SMAP1: variants seen among roughly 807,000 people sequenced by gnomAD.
SMAP1 encodes stromal membrane-associated protein 1.
In SMAP1, 24 loss-of-function variants were observed where a neutral mutation model predicts 58.5. The ratio of observed to expected loss-of-function variants is 0.41; its 90% CI spans 0.30 to 0.58. The LOEUF (loss-of-function observed/expected upper bound fraction) is 0.58. Among genes scored for constraint, SMAP1 ranks in the 20% least tolerant of loss-of-function variants. SMAP1 has a pLI of 0.29. For synonymous variants in SMAP1, 216 were observed against 196.6 expected, an observed-to-expected ratio of 1.10 and a Z score of -0.82; for missense variants, 563 against 566.3, an observed-to-expected ratio of 0.99 and a Z score of 0.06.
intron 1 of SMAP1, among the ~76,000 whole-genome samples, chr6:70,691,657 A>G (rs1442210105): frequency 6.6e-6 from 1 of 152,072 alleles, no homozygotes; most frequent in Non-Finnish European, 1.5e-5. Context: ...CTCTATCTCC[A>G]TGAGTTCAAT....
In SMAP1 at chr6:70,791,688, G is replaced by C. The variant is rs1183473115; in HGVS notation, c.415-1G>C. 6.2e-7 allele frequency: 1 copy of C among 1,611,480 alleles called. No homozygotes were observed. Among genetic ancestry groups the C allele is most frequent in the African/African-American group, 1.3e-5 (1 of 74,746 alleles). On this transcript the variant is annotated splice_acceptor_variant, in intron 4 of 10. Coordinates refer to ENST00000370455, the MANE Select transcript of SMAP1 (RefSeq NM_001044305.3). LOFTEE classifies it high-confidence loss of function. ...CCTGACTTTTCACCTGTACTCCACAGATTTCCTCCTCTGATGCTCCTCTTC... is the reference window on the plus strand; with the variant it reads ...CCTGACTTTTCACCTGTACTCCACACATTTCCTCCTCTGATGCTCCTCTTC...
At chr6:70,698,730 G>C (rs999589032) in intron 1 of SMAP1, among the ~76,000 whole-genome samples, 5 of 147,540 alleles carry the variant, frequency 3.4e-5, no homozygotes, top group African/African-American at 1.0e-4. Context: ...CAGAATTTCT[G>C]CTTGATTTTT....
chr6:70,734,386 T>A (rs149593553), intron 2 of SMAP1: 3,580 of 152,592 alleles, frequency 0.023, 53 homozygotes, highest in Non-Finnish European at 0.037. Context: ...CCTCAAGTGA[T>A]CTGCCCACCT....
At chr6:70,809,026 A>G (rs79228671) in intron 6 of SMAP1, among the ~76,000 whole-genome samples, 3,013 of 152,034 alleles carry the variant, frequency 0.02, 90 homozygotes, top group African/African-American at 0.069. Context: ...TAGAGTCCCT[A>G]AAGTATGTAT....
intron 6 of SMAP1, among the ~76,000 whole-genome samples, chr6:70,835,287 G>C (rs1000778663): frequency 1.3e-5 from 2 of 151,090 alleles, no homozygotes; most frequent in Admixed American, 1.3e-4. Flanking sequence ...TTGACACCTG[G>C]TAATAGTAGG....
intron 8 of SMAP1, chr6:70,856,592 G>C (rs1226880355): frequency 7.8e-6 from 2 of 255,848 alleles, no homozygotes; most frequent in Non-Finnish European, 1.5e-5. Flanking sequence ...GCAAAAACTT[G>C]GTGTCACCTT....
chr6:70,703,688 G>A (rs1767727704), intron 1 of SMAP1, among the ~76,000 whole-genome samples: 1 of 152,196 alleles, frequency 6.6e-6, no homozygotes, highest in African/African-American at 2.4e-5. Context: ...TCACACACGT[G>A]CACCAATCAG....
chr6:70,713,783 C>T (rs1768155272), intron 1 of SMAP1, among the ~76,000 whole-genome samples: 1 of 151,966 alleles, frequency 6.6e-6, no homozygotes, highest in Admixed American at 6.6e-5. Context: ...GTTCAAGCCC[C>T]GTTTCTTTAT....
At chr6:70,797,128 A>G in intron 5 of SMAP1, among the ~76,000 whole-genome samples, 1 of 152,168 alleles carries the variant, frequency 6.6e-6, no homozygotes, top group Admixed American at 6.5e-5. Flanking sequence ...GACATTGCTT[A>G]TTCATGCCCC....
chr6:70,822,999 C>G (rs911262214), intron 6 of SMAP1, among the ~76,000 whole-genome samples: 98 of 152,122 alleles, frequency 6.4e-4, no homozygotes, highest in Non-Finnish European at 1.2e-3. Context: ...TTAGAATTTT[C>G]ATCTCTCTTT....
chr6:70,786,441 AG>A (rs1362575872), intron 4 of SMAP1, among the ~76,000 whole-genome samples: 54 of 109,532 alleles, frequency 4.9e-4, no homozygotes, highest in African/African-American at 2.0e-3. Context: ...TAGTGTTGGA[AG>A]TTCTGGCCAG....
chr6:70,861,857 C>T lies in SMAP1; in HGVS notation c.*1523C>T, dbSNP rs764760215. On this transcript the variant is annotated 3_prime_UTR_variant, in exon 11 of 11. Transcript: ENST00000370455. ...TAGTGCAGTTATTTGCTTTCGGTTCCAGTTCTTCGACTGTTGTTATCTGTT... is the reference window on the plus strand; with the variant it reads ...TAGTGCAGTTATTTGCTTTCGGTTCTAGTTCTTCGACTGTTGTTATCTGTT... 7 of 1,613,964 alleles carry T rather than the reference C, an allele frequency of 4.3e-6. No homozygotes were observed. The East Asian group carries it at 1.6e-4, about 36-fold the overall frequency.
chr6:70,813,993 A>T (rs1289577723), intron 6 of SMAP1, among the ~76,000 whole-genome samples: 2 of 152,206 alleles, frequency 1.3e-5, no homozygotes, highest in East Asian at 3.8e-4. Flanking sequence ...ACCTGAAAGT[A>T]AAAAATGTGC....
At chr6:70,816,506 T>C (rs1179638707) in intron 6 of SMAP1, among the ~76,000 whole-genome samples, 1 of 152,206 alleles carries the variant, frequency 6.6e-6, no homozygotes, top group Non-Finnish European at 1.5e-5. Context: ...CTAACCTGCT[T>C]CTCAAAGAAT....
intron 2 of SMAP1, among the ~76,000 whole-genome samples, chr6:70,744,337 C>T (rs149740239): frequency 0.03 from 4,523 of 152,146 alleles, 136 homozygotes; most frequent in South Asian, 0.11. Flanking sequence ...CCCACACCCC[C>T]GATAGGCCCC....
chr6:70,741,641 T>C (rs1323577635), intron 2 of SMAP1, among the ~76,000 whole-genome samples: 1 of 152,226 alleles, frequency 6.6e-6, no homozygotes, highest in Non-Finnish European at 1.5e-5. Flanking sequence ...TTCTGAGGTC[T>C]GGAGGATGGT....
At position 70,861,672 on chromosome 6, in the gene SMAP1, A is replaced by C. The variant is rs768734456; in HGVS notation, c.*1338A>C. 1.2e-6 allele frequency: 2 copies of C among 1,613,466 alleles called. No individual in the cohort carries two copies. Among genetic ancestry groups the C allele is most frequent in the Non-Finnish European group, 1.7e-6 (2 of 1,179,494 alleles). ...CAGTTGCTGCTTCAATTTATACCTC[A>C]ATTTTCACTGTGTCCAGGTGGTACT... is the stretch of plus-strand genomic sequence containing the variant. On this transcript the variant is annotated 3_prime_UTR_variant, in exon 11 of 11. Coordinates refer to ENST00000370455, the MANE Select transcript of SMAP1 (RefSeq NM_001044305.3).
chr6:70,794,194 C>T (rs552158435), intron 5 of SMAP1, among the ~76,000 whole-genome samples: 4 of 152,212 alleles, frequency 2.6e-5, no homozygotes, highest in East Asian at 1.9e-4. Flanking sequence ...GTTTCAAGAA[C>T]GACTATTTTA....
At chr6:70,791,882 C>T in intron 5 of SMAP1, 113 bp downstream of exon 5, 1 of 829,110 alleles carries the variant, frequency 1.2e-6, no homozygotes, top group Non-Finnish European at 1.8e-6. Flanking sequence ...TTGAATGATC[C>T]CTAGAATTAA....
Sources: allele counts gnomAD v4.1 joint callset (sites outside exome capture counted in the v4.1 genomes callset), GRCh38; gene constraint gnomAD v4.1.1; transcripts MANE v1.5; gene names NCBI Gene and HGNC (gene_info 2026-07-23, HGNC 2026-07-21).